The following PCDHGA4 variants were observed in gnomAD, a reference collection of about 807,000 sequenced individuals.
PCDHGA4 encodes the protein protocadherin gamma subfamily A, 4.
A neutral mutation model predicts 54.6 loss-of-function variants in PCDHGA4; 38 were observed. The observed-to-expected ratio is 0.70, with a 90% CI of 0.54 to 0.91. PCDHGA4 has a LOEUF of 0.91. Among genes scored for constraint, PCDHGA4 ranks in the 40% least tolerant of loss-of-function variants. PCDHGA4 has a pLI of 0.00. For synonymous variants in PCDHGA4, 511 were observed against 512.9 expected, an observed-to-expected ratio of 1.00 and a Z score of 0.05; for missense variants, 1,298 against 1,220.9, an observed-to-expected ratio of 1.06 and a Z score of -0.94.
chr5:141,422,901 C>T (rs768086403), intron 1 of PCDHGA4: 5 of 1,614,276 alleles, frequency 3.1e-6, no homozygotes, highest in Non-Finnish European at 4.2e-6. Context: ...ACCAGAACGA[C>T]AATGCGCCCG....
Position 141,491,401 on chromosome 5 carries a change from G to T in PCDHGA4, c.2515-3406G>T, listed in dbSNP as rs1442005704. ...GTCAGCGAAGTGCCTTCAGGGAAAC[G>T]CAGACGGGGACGGGGGTGGAGGGCA... On this transcript the variant is annotated intron_variant, in intron 1 of 3. Coordinates refer to ENST00000571252, the MANE Select transcript of PCDHGA4 (RefSeq NM_018917.4). The surrounding 1 kb of genome is among the most constrained non-coding windows in gnomAD (Gnocchi z 6.9). 1.2e-6 allele frequency: 2 copies of T among 1,614,102 alleles called. No homozygotes were observed. Among genetic ancestry groups the T allele is most frequent in the Non-Finnish European group, 1.7e-6 (2 of 1,179,990 alleles).
In PCDHGA4 at chr5:141,382,630, A is replaced by G. The variant is rs142649877; in HGVS notation, c.2514+25009A>G. ...TGAAATCAGTGTATTGTGTGCATCA[A>G]TGTGGTGCAGTAACTTAGTAAGGAC... On this transcript the variant is annotated intron_variant, in intron 1 of 3. Coordinates refer to ENST00000571252, the MANE Select transcript of PCDHGA4 (RefSeq NM_018917.4). The G allele has an allele frequency of 1.3e-4, 49 of 364,976 alleles. 1 individual carries two copies. Among genetic ancestry groups the G allele is most frequent in the Middle Eastern group, 7.2e-4 (1 of 1,388 alleles). 22.6% of individuals were successfully genotyped at this position (364,976 alleles called of 1,614,324 possible). A position where few individuals can be genotyped will look rare whatever the true frequency, so the allele number is the denominator to read the frequency against.
intron 1 of PCDHGA4, 186 bp downstream of exon 1, chr5:141,357,807 T>C: frequency 2.6e-6 from 2 of 772,824 alleles, no homozygotes; most frequent in Non-Finnish European, 4.0e-6. Flanking sequence ...AAATGTTGTT[T>C]ATTACTTATC....
At chr5:141,390,349 T>C in intron 1 of PCDHGA4, 1 of 1,568,926 alleles carries the variant, frequency 6.4e-7, no homozygotes, top group South Asian at 1.2e-5. Flanking sequence ...CAAGAAAATA[T>C]ACATATTTGC....
At chr5:141,420,190 A>T in intron 1 of PCDHGA4, 3 of 1,613,922 alleles carry the variant, frequency 1.9e-6, no homozygotes, top group Non-Finnish European at 2.5e-6. Flanking sequence ...GTCCAGCCAC[A>T]CAAGATAACC....
chr5:141,420,135 A>T (rs2096469364), intron 1 of PCDHGA4: 1 of 1,614,026 alleles, frequency 6.2e-7, no homozygotes. Flanking sequence ...GTGCCTGGGG[A>T]TCAAATGAAT....
rs2099412065 is a variant in PCDHGA4, at chr5:141,477,502, C to T, written c.2515-17305C>T. On this transcript the variant is annotated intron_variant, in intron 1 of 3. Coordinates refer to ENST00000571252, the MANE Select transcript of PCDHGA4 (RefSeq NM_018917.4). This position sits in a 1 kb window ranked among gnomAD's most constrained non-coding sequence, Gnocchi z 4.9. ...CTCCACAATCTTCTCAATCTTCCTACGACGTTTACATTGAAGAAAACAACC... is the reference window on the plus strand; with the variant it reads ...CTCCACAATCTTCTCAATCTTCCTATGACGTTTACATTGAAGAAAACAACC... 2 of 1,614,144 alleles carry T rather than the reference C, an allele frequency of 1.2e-6. No homozygotes were observed. Among genetic ancestry groups the T allele is most frequent in the Non-Finnish European group, 1.7e-6 (2 of 1,180,018 alleles).
chr5:141,496,152 C>T (rs771462960), intron 2 of PCDHGA4, among the ~76,000 whole-genome samples: 2 of 152,080 alleles, frequency 1.3e-5, no homozygotes, highest in Non-Finnish European at 1.5e-5. Flanking sequence ...GATCGCAGCT[C>T]TCCACCAGAC....
rs779756612 is a variant in PCDHGA4 at position 141,357,136 on chromosome 5, G to C, written c.2029G>C (p.Val677Leu). 1 of 1,613,540 alleles carries C rather than the reference G, an allele frequency of 6.2e-7. No homozygotes were observed. Among genetic ancestry groups the C allele is most frequent in the South Asian group, 1.1e-5 (1 of 91,074 alleles). Residue 677 changes from valine (V) to leucine (L), a missense_variant, in exon 1 of 4, where the codon GTC becomes CTC. Coordinates refer to ENST00000571252, the MANE Select transcript of PCDHGA4 (RefSeq NM_018917.4). ...DALKQRLVVV[V>L]QDHGQPPLSA... ...GCTCAAGCAGAGGCTTGTAGTGGTC[G>C]TCCAGGACCATGGCCAGCCCCCTCT...
intron 1 of PCDHGA4, chr5:141,404,476 C>T (rs1453332441): frequency 6.2e-7 from 1 of 1,613,362 alleles, no homozygotes; most frequent in South Asian, 1.1e-5. Context: ...TCTCTATTAA[C>T]TCAGACACTG....
At chr5:141,427,515 G>A (rs753526003) in intron 1 of PCDHGA4, 16 of 596,944 alleles carry the variant, frequency 2.7e-5, no homozygotes, top group African/African-American at 2.2e-4. Context: ...CCTGGATTGG[G>A]AGCGGATCCC....
At chr5:141,462,415 C>G (rs998182982) in intron 1 of PCDHGA4, among the ~76,000 whole-genome samples, 2 of 152,092 alleles carry the variant, frequency 1.3e-5, no homozygotes, top group Non-Finnish European at 2.9e-5. Context: ...AGAATATGGT[C>G]TATCTTGGTG....
Position 141,486,662 on chromosome 5 carries a change from C to T in PCDHGA4, c.2515-8145C>T. 6.2e-7 allele frequency: 1 copy of T among 1,613,970 alleles called. No homozygotes were observed. The highest frequency in any genetic ancestry group is 1.1e-5 in the South Asian group (1 of 91,086). ...GCTTATCTCCTACTCACTCCTGGAG[C>T]CCAGGAATCGAGATGTATCAGCTTC... On this transcript the variant is annotated intron_variant, in intron 1 of 3. Coordinates refer to ENST00000571252, the MANE Select transcript of PCDHGA4 (RefSeq NM_018917.4). The surrounding 1 kb of genome is among the most constrained non-coding windows in gnomAD (Gnocchi z 5.0).
intron 1 of PCDHGA4, chr5:141,390,229 C>T (rs781367582): frequency 6.2e-7 from 1 of 1,614,056 alleles, no homozygotes; most frequent in South Asian, 1.1e-5. Flanking sequence ...TGCGGTGATT[C>T]ATCTGGGGCC....
chr5:141,355,043 A>G lies in PCDHGA4; in HGVS notation c.-65A>G. The G allele has an allele frequency of 8.9e-7, 1 of 1,127,008 alleles. No individual in the cohort carries two copies. Among genetic ancestry groups the G allele is most frequent in the South Asian group, 1.9e-5 (1 of 53,390 alleles). The allele number at this position is 1,127,008 out of a possible 1,614,324, so 69.8% of individuals were successfully genotyped here. On this transcript the variant is annotated 5_prime_UTR_variant, in exon 1 of 4. Coordinates refer to ENST00000571252, the MANE Select transcript of PCDHGA4 (RefSeq NM_018917.4). ...ATCAGAATCACAAGATTTCTGCAGC[A>G]CAAAGCACTGGCTCTGGAGCTTTAT...
At chr5:141,440,093 GA>G (rs2098151022) in intron 1 of PCDHGA4, 1 of 152,302 alleles carries the variant, frequency 6.6e-6, no homozygotes, top group Non-Finnish European at 1.5e-5. Context: ...TCTAAGTGGG[GA>G]AAGTGGAGAC....
chr5:141,382,789 T>C (rs1778438315), intron 1 of PCDHGA4: 4 of 924,532 alleles, frequency 4.3e-6, no homozygotes, highest in African/African-American at 3.3e-5. Context: ...CAAGCCTCTA[T>C]CCTGCTGGAT....
chr5:141,375,510 C>T, intron 1 of PCDHGA4: 1 of 1,614,034 alleles, frequency 6.2e-7, no homozygotes, highest in Non-Finnish European at 8.5e-7. Context: ...TCTGTGAATG[C>T]ACTGGACCCT....
At chr5:141,404,399 G>A in intron 1 of PCDHGA4, 2 of 1,613,896 alleles carry the variant, frequency 1.2e-6, no homozygotes, top group Non-Finnish European at 1.7e-6. Context: ...TGATAGCAAT[G>A]AGAATTCTAG....
Sources: allele counts gnomAD v4.1 joint callset (sites outside exome capture counted in the v4.1 genomes callset), GRCh38; gene constraint gnomAD v4.1.1; non-coding constraint Gnocchi (gnomAD v3.1); transcripts MANE v1.5; gene names NCBI Gene and HGNC (gene_info 2026-07-23, HGNC 2026-07-21).